Variants in FBXL7 observed in about 807,000 individuals in gnomAD.
FBXL7 encodes F-box/LRR-repeat protein 7.
In FBXL7, 12 loss-of-function variants were observed where a neutral mutation model predicts 38.3. That is an observed-to-expected ratio of 0.31 (90% CI 0.20 to 0.51). The LOEUF (loss-of-function observed/expected upper bound fraction) is 0.51, where lower values mean the gene tolerates loss of function less well. FBXL7 is among the 20% of genes least tolerant of loss of function. The pLI is 0.98. For synonymous variants in FBXL7, 297 were observed against 300.9 expected, an observed-to-expected ratio of 0.99 and a Z score of 0.13; for missense variants, 567 against 676.4, an observed-to-expected ratio of 0.84 and a Z score of 1.79.
intron 1 of FBXL7, among the ~76,000 whole-genome samples, chr5:15,529,710 T>C (rs552142409): frequency 4.6e-5 from 7 of 152,326 alleles, no homozygotes; most frequent in Non-Finnish European, 1.0e-4. Flanking sequence ...TACACTTTTT[T>C]AAAGGCATAG....
chr5:15,570,339 A>T (rs1333091101), intron 1 of FBXL7, among the ~76,000 whole-genome samples: 8 of 152,134 alleles, frequency 5.3e-5, no homozygotes, highest in Admixed American at 1.3e-4. Flanking sequence ...TTGTCGAGGA[A>T]TTTATCCATT....
intron 2 of FBXL7, among the ~76,000 whole-genome samples, chr5:15,807,763 C>T (rs977980376): frequency 4.0e-5 from 6 of 151,798 alleles, no homozygotes; most frequent in South Asian, 2.1e-4. Context: ...AAAGAGCTCT[C>T]GCTTACTTCT....
chr5:15,687,052 C>T (rs903305213), intron 2 of FBXL7, among the ~76,000 whole-genome samples: 6 of 152,194 alleles, frequency 3.9e-5, no homozygotes, highest in African/African-American at 1.4e-4. Flanking sequence ...GGTTGTGGAT[C>T]CTACATATTT....
At chr5:15,834,469 A>G (rs1304564562) in intron 2 of FBXL7, among the ~76,000 whole-genome samples, 4 of 152,000 alleles carry the variant, frequency 2.6e-5, no homozygotes, top group Admixed American at 6.6e-5. Context: ...AGTTTTCTCT[A>G]TTTATATAAG....
intron 2 of FBXL7, among the ~76,000 whole-genome samples, chr5:15,714,812 G>A (rs1436372603): frequency 7.4e-6 from 1 of 135,816 alleles, no homozygotes; most frequent in Non-Finnish European, 1.5e-5. Context: ...CCGTGCCACT[G>A]CACTCCAGCC....
At position 15,887,855 on chromosome 5, in the gene FBXL7, A is replaced by G. The variant is rs115439962; in HGVS notation, c.128-40035A>G. Among the ~76,000 whole-genome samples, 875 of 152,296 alleles carry G rather than the reference A, an allele frequency of 5.7e-3. 9 individuals are homozygous for G. Among genetic ancestry groups the G allele is most frequent in the African/African-American group, 0.02 (844 of 41,562 alleles). ...TTGTTTCCAGTAGAGTGGGGAGGAA[A>G]AGCCAGTGTTAAAAAACAATAAATT... On this transcript the variant is annotated intron_variant, in intron 2 of 3. Coordinates refer to ENST00000504595, the MANE Select transcript of FBXL7 (RefSeq NM_012304.5).
At chr5:15,785,200 G>A (rs1196984407) in intron 2 of FBXL7, among the ~76,000 whole-genome samples, 1 of 152,212 alleles carries the variant, frequency 6.6e-6, no homozygotes, top group Non-Finnish European at 1.5e-5. Context: ...TACATTGCGT[G>A]CTCTGCATCG....
In FBXL7 at chr5:15,807,696, C is replaced by T. The variant is rs945333543; in HGVS notation, c.128-120194C>T. ...TGTTTTTCTTTTCTTTTTTTTTTTA[C>T]ATTGCTGAGGAAGTTATTATACATT... On this transcript the variant is annotated intron_variant, in intron 2 of 3. Transcript: ENST00000504595. Among the ~76,000 whole-genome samples the T allele has an allele frequency of 2.8e-5, 4 of 142,692 alleles. No individual in the cohort carries two copies. In the East Asian group the frequency reaches 8.3e-4, roughly 30 times the overall value. The allele number at this position is 142,692 out of a possible 152,430, so 93.6% of individuals were successfully genotyped here.
At chr5:15,541,429 A>ATG (rs1269400393) in intron 1 of FBXL7, among the ~76,000 whole-genome samples, 1 of 93,908 alleles carries the variant, frequency 1.1e-5, no homozygotes, top group African/African-American at 4.6e-5. Context: ...CATATAGTAT[A>ATG]TATGTGTGTG....
chr5:15,609,668 G>A (rs911401549), intron 1 of FBXL7, among the ~76,000 whole-genome samples: 2 of 152,164 alleles, frequency 1.3e-5, no homozygotes, highest in African/African-American at 4.8e-5. Flanking sequence ...CTTGACTTGT[G>A]GTCATGTCAG....
chr5:15,803,877 C>A (rs1489713791), intron 2 of FBXL7, among the ~76,000 whole-genome samples: 1 of 152,102 alleles, frequency 6.6e-6, no homozygotes, highest in East Asian at 1.9e-4. Context: ...ACCTGAGAAC[C>A]ACCATGTTTG....
chr5:15,629,512 A>T (rs1434848747), intron 2 of FBXL7, among the ~76,000 whole-genome samples: 1 of 152,212 alleles, frequency 6.6e-6, no homozygotes, highest in Non-Finnish European at 1.5e-5. Context: ...CAGAAACCAA[A>T]CATATAACTT....
chr5:15,639,194 A>G (rs964347157), intron 2 of FBXL7, among the ~76,000 whole-genome samples: 1 of 152,174 alleles, frequency 6.6e-6, no homozygotes, highest in Admixed American at 6.5e-5. Flanking sequence ...GTATCCAGAA[A>G]TATGTTCAAG....
intron 2 of FBXL7, among the ~76,000 whole-genome samples, chr5:15,824,734 A>G (rs1301924324): frequency 6.6e-6 from 1 of 152,178 alleles, no homozygotes; most frequent in Non-Finnish European, 1.5e-5. Context: ...CCACTGAGTC[A>G]TGTTGGAAAA....
intron 1 of FBXL7, chr5:15,602,203 T>C (rs1367563228): frequency 6.6e-6 from 1 of 152,100 alleles, no homozygotes; most frequent in Non-Finnish European, 1.5e-5. Flanking sequence ...AGATAATAAA[T>C]TTTTATTATT....
At chr5:15,562,658 C>T (rs772702541) in intron 1 of FBXL7, among the ~76,000 whole-genome samples, 3 of 151,920 alleles carry the variant, frequency 2.0e-5, no homozygotes, top group Non-Finnish European at 4.4e-5. Flanking sequence ...CTATATCTCT[C>T]TCCCTCAGTT....
intron 2 of FBXL7, among the ~76,000 whole-genome samples, chr5:15,805,505 C>G (rs911996879): frequency 1.4e-5 from 2 of 141,308 alleles, no homozygotes; most frequent in African/African-American, 6.4e-5. Flanking sequence ...TAGATTTAAC[C>G]TAAGATTTTA....
intron 2 of FBXL7, among the ~76,000 whole-genome samples, chr5:15,920,763 C>T (rs1180565341): frequency 6.6e-6 from 1 of 152,226 alleles, no homozygotes; most frequent in African/African-American, 2.4e-5. Context: ...TCTGGTGATC[C>T]GCCTGCCTCA....
intron 2 of FBXL7, among the ~76,000 whole-genome samples, chr5:15,757,297 A>T (rs1402617706): frequency 6.6e-6 from 1 of 152,174 alleles, no homozygotes; most frequent in African/African-American, 2.4e-5. Flanking sequence ...CCTTTGACTC[A>T]GTTCAAAGAG....
Sources: allele counts gnomAD v4.1 joint callset (sites outside exome capture counted in the v4.1 genomes callset), GRCh38; gene constraint gnomAD v4.1.1; transcripts MANE v1.5; gene names NCBI Gene and HGNC (gene_info 2026-07-23, HGNC 2026-07-21).